Variants in ADGRV1 observed in about 807,000 individuals in gnomAD.
ADGRV1 encodes G-protein coupled receptor 98.
ADGRV1 carries 359 observed loss-of-function variants against 596.2 expected under a neutral mutation model. The ratio of observed to expected loss-of-function variants is 0.60; its 90% CI spans 0.55 to 0.66. The LOEUF (loss-of-function observed/expected upper bound fraction) is 0.66, where lower values mean the gene tolerates loss of function less well. Among genes scored for constraint, ADGRV1 ranks in the 30% least tolerant of loss-of-function variants. The probability of loss-of-function intolerance (pLI) is 0.00; values close to 1 mark genes in which losing one functional copy is unlikely to be tolerated. For missense variants in ADGRV1, 7,274 were observed against 7,575.6 expected (o/e 0.96, Z 1.48); for synonymous variants, 2,681 against 2,679.2 (o/e 1.00, Z -0.02).
At chr5:91,135,231 G>C (rs1300976925) in intron 87 of ADGRV1, among the ~76,000 whole-genome samples, 1 of 151,162 alleles carries the variant, frequency 6.6e-6, no homozygotes, top group East Asian at 1.9e-4. Context: ...ATTTCCTTGT[G>C]TACTAAAATT....
At chr5:90,952,886 T>C (rs535369789) in intron 83 of ADGRV1, among the ~76,000 whole-genome samples, 1 of 152,298 alleles carries the variant, frequency 6.6e-6, no homozygotes, top group South Asian at 2.1e-4. Flanking sequence ...GATAACCACT[T>C]GAATTTTCTG....
chr5:90,740,789 C>CAGTTT (rs1753859422), intron 50 of ADGRV1, among the ~76,000 whole-genome samples: 1 of 152,190 alleles, frequency 6.6e-6, no homozygotes. Context: ...TGTCTGCCTC[C>CAGTTT]AACTCAACTC....
At position 90,676,138 on chromosome 5, in the gene ADGRV1, A is replaced by T. The variant is rs1773239505; in HGVS notation, c.5372A>T (p.Asn1791Ile). 6.2e-7 allele frequency: 1 copy of T among 1,605,806 alleles called. No individual in the cohort carries two copies. ...GAAAGATATAAATACATTTTCATAAACATCACTGATAATTCTATTCCTGAA... is the reference window on the plus strand; with the variant it reads ...GAAAGATATAAATACATTTTCATAATCATCACTGATAATTCTATTCCTGAA... The part of the protein sequence containing the change: ...PGERYKYIFI[N>I]ITDNSIPELE... The change falls in exon 25 of 90, where the codon AAC becomes ATC. Residue 1791 changes from asparagine to isoleucine, a missense_variant. Around this residue, in one of 5 missense-constraint regions of ADGRV1, gnomAD observed 3,643 missense variants for 3,809.2 expected, o/e 0.96. Coordinates refer to ENST00000405460, the MANE Select transcript of ADGRV1 (RefSeq NM_032119.4).
At chr5:91,140,994 G>A (rs1030488754) in intron 87 of ADGRV1, among the ~76,000 whole-genome samples, 8 of 152,084 alleles carry the variant, frequency 5.3e-5, no homozygotes, top group African/African-American at 1.7e-4. Context: ...TTCACTTATG[G>A]GTATTTACCA....
chr5:91,118,383 C>A (rs1292422723), intron 87 of ADGRV1, among the ~76,000 whole-genome samples: 1 of 151,494 alleles, frequency 6.6e-6, no homozygotes, highest in African/African-American at 2.4e-5. Context: ...AAAAAAAAAA[C>A]TTCCAAAAAA....
intron 83 of ADGRV1, among the ~76,000 whole-genome samples, chr5:90,921,483 A>G (rs533907521): frequency 1.3e-5 from 2 of 152,300 alleles, no homozygotes; most frequent in South Asian, 2.1e-4. Flanking sequence ...CCTACTGAAT[A>G]TCTCCAACAG....
chr5:90,889,442 C>A (rs563519031), intron 83 of ADGRV1, among the ~76,000 whole-genome samples: 7 of 152,122 alleles, frequency 4.6e-5, no homozygotes, highest in African/African-American at 1.7e-4. Flanking sequence ...CAGGGCTCTT[C>A]CTTGTACAGA....
chr5:90,868,366 G>T (rs138589570), intron 83 of ADGRV1, among the ~76,000 whole-genome samples: 1 of 151,930 alleles, frequency 6.6e-6, no homozygotes, highest in Non-Finnish European at 1.5e-5. Flanking sequence ...ATTAATGAAA[G>T]GCTGCTGCTG....
chr5:90,927,865 G>A (rs1774688568), intron 83 of ADGRV1, among the ~76,000 whole-genome samples: 1 of 152,104 alleles, frequency 6.6e-6, no homozygotes. Context: ...TTTCTGTAAA[G>A]TATTTTATTT....
intron 10 of ADGRV1, among the ~76,000 whole-genome samples, chr5:90,636,859 G>C (rs1215701142): frequency 4.6e-5 from 7 of 151,852 alleles, no homozygotes; most frequent in Admixed American, 4.6e-4. Context: ...CCTCTTTTAG[G>C]AGCATAAAAA....
At chr5:90,773,168 CAAAAA>C (rs36098858) in intron 59 of ADGRV1, among the ~76,000 whole-genome samples, 5 of 133,394 alleles carry the variant, frequency 3.7e-5, no homozygotes, top group Non-Finnish European at 8.2e-5. Context: ...GACCCTGTCT[CAAAAA>C]AAAAAAAAAA....
chr5:90,843,673 A>G (rs1765624235), intron 78 of ADGRV1, among the ~76,000 whole-genome samples: 1 of 152,194 alleles, frequency 6.6e-6, no homozygotes, highest in Non-Finnish European at 1.5e-5. Context: ...GACCACATAC[A>G]GTTTAAATAA....
chr5:90,653,712 A>G lies in ADGRV1; in HGVS notation c.4138A>G (p.Ser1380Gly). ...FIIAKDDGNG[S>G]IYYGVKIQTN... ...TATAGCGAAGGATGACGGTAATGGA[A>G]GCATCTACTACGGGGTAAAAATACA... The change falls in exon 20 of 90, where the codon AGC becomes GGC. Residue 1380 changes from serine to glycine, a missense_variant. Physicochemically the swap from Ser to Gly is moderately conservative, Grantham distance 56. This residue lies in a region of ADGRV1 where 1,715 missense variants were observed against 1,708.8 expected (regional missense o/e 1.00). Transcript: ENST00000405460. 6.2e-7 allele frequency: 1 copy of G among 1,613,216 alleles called. No individual in the cohort carries two copies. The highest frequency in any genetic ancestry group is 1.1e-5 in the South Asian group (1 of 90,882).
At position 90,652,467 on chromosome 5, in the gene ADGRV1, G is replaced by A; in HGVS notation, c.3538G>A (p.Asp1180Asn). 1 of 1,613,540 alleles carries A rather than the reference G, an allele frequency of 6.2e-7. No individual in the cohort carries two copies. The highest frequency in any genetic ancestry group is 8.5e-7 in the Non-Finnish European group (1 of 1,179,586). Residue 1180 changes from aspartate (D) to asparagine (N), a missense_variant, in exon 19 of 90, where the codon GAT becomes AAT. Physicochemically the swap from Asp to Asn is conservative, Grantham distance 23. Transcript: ENST00000405460. Reference sequence around the variant, plus strand: ...AACTTCAGGAACTGTTAACTTCATGGATGGAGAAGAAGCAAAACCAATCAT... The same window carrying A: ...AACTTCAGGAACTGTTAACTTCATGAATGGAGAAGAAGCAAAACCAATCAT... ...YETSGTVNFM[D>N]GEEAKPIILH... is the part of the protein sequence containing the mutation.
chr5:90,798,946 T>C (rs1027950386), intron 70 of ADGRV1, among the ~76,000 whole-genome samples: 7 of 152,186 alleles, frequency 4.6e-5, no homozygotes, highest in African/African-American at 9.7e-5. Flanking sequence ...AAGAGCTATT[T>C]ATGACAAACC....
At chr5:90,725,325 T>C (rs989889603) in intron 47 of ADGRV1, 93 bp downstream of exon 47, 8 of 911,822 alleles carry the variant, frequency 8.8e-6, no homozygotes, top group African/African-American at 5.2e-5. Flanking sequence ...GTATGTTTTA[T>C]GTTAATGTGA....
chr5:91,008,636 T>A (rs1278183187), intron 85 of ADGRV1, among the ~76,000 whole-genome samples: 1 of 152,084 alleles, frequency 6.6e-6, no homozygotes, highest in Admixed American at 6.5e-5. Context: ...CCCAAGTAGC[T>A]GAGGTTACAG....
At chr5:90,969,463 C>G (rs1444441053) in intron 84 of ADGRV1, among the ~76,000 whole-genome samples, 1 of 152,194 alleles carries the variant, frequency 6.6e-6, no homozygotes, top group Non-Finnish European at 1.5e-5. Context: ...AGCTGGAGAA[C>G]CTTTAACTCC....
In ADGRV1 at chr5:90,757,011, G is replaced by A. The variant is rs954222619; in HGVS notation, c.11790G>A (p.Val3930=). 2 of 1,612,724 alleles carry A rather than the reference G, an allele frequency of 1.2e-6. No individual in the cohort carries two copies. The highest frequency in any genetic ancestry group is 1.7e-5 in the Admixed American group (1 of 59,878). ...GGGAAGTTATTACTGCCTATGAGGT[G>A]CCTCCACCCTTGAACGTTCTTCAAG... The part of the protein sequence containing the change: ...GAGEVITAYE[V]PPPLNVLQVP... Residue 3930 remains valine, a synonymous_variant, in exon 57 of 90, where the codon GTG becomes GTA. Coordinates refer to ENST00000405460, the MANE Select transcript of ADGRV1 (RefSeq NM_032119.4).
Sources: allele counts gnomAD v4.1 joint callset (sites outside exome capture counted in the v4.1 genomes callset), GRCh38; gene constraint gnomAD v4.1.1; regional missense constraint gnomAD v4.1.1; transcripts MANE v1.5; gene names NCBI Gene and HGNC (gene_info 2026-07-23, HGNC 2026-07-21).